STARD13: variants seen among roughly 807,000 people sequenced by gnomAD.
STARD13 encodes stAR-related lipid transfer protein 13.
A neutral mutation model predicts 106.4 loss-of-function variants in STARD13; 62 were observed. The observed-to-expected ratio is 0.58, with a 90% CI of 0.48 to 0.72. STARD13 has a LOEUF of 0.72. Among genes scored for constraint, STARD13 ranks in the 30% least tolerant of loss-of-function variants. The pLI is 0.00. For synonymous variants in STARD13, 565 were observed against 553.0 expected, an observed-to-expected ratio of 1.02 and a Z score of -0.31; for missense variants, 1,387 against 1,424.0, an observed-to-expected ratio of 0.97 and a Z score of 0.42.
At chr13:33,602,810 T>C in the STARD13 span, among the ~76,000 whole-genome samples, 6 of 152,202 alleles carry the variant, frequency 3.9e-5, no homozygotes, top group Middle Eastern at 3.2e-3. Flanking sequence ...GAAATCTAGA[T>C]TGTGTGCTCC....
intron 1 of STARD13, among the ~76,000 whole-genome samples, chr13:33,180,797 A>G (rs1885154911): frequency 6.6e-6 from 1 of 152,238 alleles, no homozygotes; most frequent in Non-Finnish European, 1.5e-5. Flanking sequence ...TCTTATGCAT[A>G]TAATGGTTAC....
intron 1 of STARD13, among the ~76,000 whole-genome samples, chr13:33,168,698 C>T (rs76359166): frequency 0.037 from 5,524 of 147,802 alleles, 339 homozygotes; most frequent in African/African-American, 0.13. Flanking sequence ...GTGTACAGGG[C>T]GTTCTTGGGA....
At chr13:33,466,725 C>T in the STARD13 span, among the ~76,000 whole-genome samples, 1 of 151,932 alleles carries the variant, frequency 6.6e-6, no homozygotes, top group Non-Finnish European at 1.5e-5. Context: ...AGACTAAACC[C>T]CAACAAAACA....
the STARD13 span, among the ~76,000 whole-genome samples, chr13:33,600,167 A>T: frequency 6.6e-6 from 1 of 152,238 alleles, no homozygotes; most frequent in Non-Finnish European, 1.5e-5. Context: ...AATGTGGAAC[A>T]TTCTTCAAGA....
chr13:33,169,090 G>A (rs1187370888), intron 1 of STARD13, among the ~76,000 whole-genome samples: 1 of 152,196 alleles, frequency 6.6e-6, no homozygotes, highest in East Asian at 1.9e-4. Context: ...TGACCAGCAT[G>A]TTCCTACCAT....
At chr13:33,412,848 A>G in the STARD13 span, among the ~76,000 whole-genome samples, 2 of 152,326 alleles carry the variant, frequency 1.3e-5, no homozygotes, top group East Asian at 3.9e-4. Flanking sequence ...AAATAGGCAA[A>G]TCTACAATTA....
At chr13:33,335,888 G>A (rs1417123971) in intron 1 of STARD13, among the ~76,000 whole-genome samples, 2 of 152,226 alleles carry the variant, frequency 1.3e-5, no homozygotes, top group Admixed American at 6.5e-5. Flanking sequence ...CATTAAGTAC[G>A]AACATACACG....
intron 1 of STARD13, among the ~76,000 whole-genome samples, chr13:33,300,353 AG>A (rs1279263043): frequency 6.6e-6 from 1 of 152,222 alleles, no homozygotes; most frequent in East Asian, 1.9e-4. Context: ...GAGATAGAAT[AG>A]GCCTCCTTCC....
At chr13:33,190,869 C>G (rs1459322039) in intron 1 of STARD13, among the ~76,000 whole-genome samples, 1 of 152,170 alleles carries the variant, frequency 6.6e-6, no homozygotes, top group Admixed American at 6.5e-5. Context: ...CAGGCATGAG[C>G]CACCGTACCC....
At chr13:33,176,740 T>G (rs1884558397) in intron 1 of STARD13, among the ~76,000 whole-genome samples, 1 of 152,218 alleles carries the variant, frequency 6.6e-6, no homozygotes. Flanking sequence ...GGCACAGTGA[T>G]GCATCAATGA....
At chr13:33,454,627 T>C in the STARD13 span, among the ~76,000 whole-genome samples, 1 of 152,222 alleles carries the variant, frequency 6.6e-6, no homozygotes, top group African/African-American at 2.4e-5. Context: ...CTATAATCTT[T>C]CATTTAACAG....
the STARD13 span, among the ~76,000 whole-genome samples, chr13:33,413,065 G>A: frequency 6.6e-6 from 1 of 152,094 alleles, no homozygotes; most frequent in Non-Finnish European, 1.5e-5. Context: ...AAAACAAAAT[G>A]TTTTCTCTGA....
the STARD13 span, among the ~76,000 whole-genome samples, chr13:33,662,924 A>C: frequency 5.3e-5 from 8 of 152,254 alleles, no homozygotes; most frequent in Non-Finnish European, 1.0e-4. Context: ...AGTTAAAATA[A>C]GACACTGTTT....
intron 1 of STARD13, among the ~76,000 whole-genome samples, chr13:33,299,570 T>C (rs114943225): frequency 1.5e-3 from 231 of 152,328 alleles, no homozygotes; most frequent in African/African-American, 5.2e-3. Flanking sequence ...ATTTGGCCCA[T>C]AATTTCTCAA....
At chr13:33,213,837 T>C (rs1375985590) in intron 1 of STARD13, among the ~76,000 whole-genome samples, 1 of 152,226 alleles carries the variant, frequency 6.6e-6, no homozygotes, top group Non-Finnish European at 1.5e-5. Context: ...GTATCTTTAA[T>C]CCTGGGCAGA....
intron 1 of STARD13, among the ~76,000 whole-genome samples, chr13:33,244,633 C>T (rs1336131112): frequency 6.6e-6 from 1 of 152,046 alleles, no homozygotes; most frequent in East Asian, 1.9e-4. Context: ...TTTATGCTTA[C>T]CCTCTTGGAA....
chr13:33,452,408 C>T, the STARD13 span, among the ~76,000 whole-genome samples: 1 of 152,222 alleles, frequency 6.6e-6, no homozygotes, highest in Admixed American at 6.5e-5. Flanking sequence ...TCCTCTGCCG[C>T]ACTGTTGTAG....
chr13:33,452,402 C>CT, the STARD13 span, among the ~76,000 whole-genome samples: 44 of 152,292 alleles, frequency 2.9e-4, no homozygotes, highest in Non-Finnish European at 4.9e-4. Context: ...GTGTTTTCCT[C>CT]TGCCGCACTG....
intron 4 of STARD13, chr13:33,138,968 C>A (rs1218985693): frequency 1.9e-5 from 7 of 376,886 alleles, no homozygotes; most frequent in Admixed American, 1.6e-4. Context: ...TATGGCTAAC[C>A]AGGCATGAAA....
Sources: gnomAD v4.1 joint callset for allele counts (sites outside exome capture counted in the v4.1 genomes callset) on GRCh38, gnomAD v4.1.1 for gene constraint, MANE v1.5 for transcripts, NCBI Gene and HGNC (gene_info 2026-07-23, HGNC 2026-07-21) for gene names.